The following PDGFC variants were observed in gnomAD, a reference collection of about 807,000 sequenced individuals.
PDGFC encodes platelet derived growth factor C, also known as platelet-derived growth factor C.
Under a neutral mutation model 35.5 loss-of-function variants are expected in PDGFC, and 12 were observed. That is an observed-to-expected ratio of 0.34 (90% CI 0.22 to 0.55). PDGFC has a LOEUF of 0.55. Among genes scored for constraint, PDGFC ranks in the 20% least tolerant of loss-of-function variants. The pLI is 0.91. For synonymous variants in PDGFC, 159 were observed against 148.8 expected (o/e 1.07, Z -0.50); for missense variants, 322 against 412.4 (o/e 0.78, Z 1.90).
chr4:156,824,311 T>C (rs1305116741), intron 2 of PDGFC, among the ~76,000 whole-genome samples: 4 of 45,860 alleles, frequency 8.7e-5, no homozygotes, highest in East Asian at 3.2e-4. Context: ...TATATATATA[T>C]ATATATATAT....
chr4:156,901,991 C>G (rs150805057), intron 1 of PDGFC, among the ~76,000 whole-genome samples: 2 of 152,264 alleles, frequency 1.3e-5, no homozygotes, highest in East Asian at 3.9e-4. Flanking sequence ...GGAAGTAGGA[C>G]AGAGAAATCT....
At chr4:156,801,672 T>A (rs1203127361) in intron 3 of PDGFC, among the ~76,000 whole-genome samples, 1 of 152,222 alleles carries the variant, frequency 6.6e-6, no homozygotes, top group Non-Finnish European at 1.5e-5. Flanking sequence ...ATAAAGTCAA[T>A]CTTTAATATG....
Position 156,971,493 on chromosome 4 carries a change from G to C in PDGFC, c.-590C>G, listed in dbSNP as rs1732593672. On this transcript the variant is annotated 5_prime_UTR_variant, in exon 1 of 6. Transcript: ENST00000502773. ...GTCCCACGGGCCGGGGCGCCGGAGC[G>C]GGGCCGGGGGGCTCCGGGCCGACGG... 1 of 212,380 alleles carries C rather than the reference G, an allele frequency of 4.7e-6. No individual in the cohort carries two copies. Among genetic ancestry groups the C allele is most frequent in the African/African-American group, 2.3e-5 (1 of 42,652 alleles). 13.2% of individuals were successfully genotyped at this position (212,380 alleles called of 1,614,324 possible). A position where few individuals can be genotyped will look rare whatever the true frequency, so the allele number is the denominator to read the frequency against.
At chr4:156,966,718 T>C (rs1732475131) in intron 1 of PDGFC, among the ~76,000 whole-genome samples, 2 of 152,150 alleles carry the variant, frequency 1.3e-5, no homozygotes, top group South Asian at 2.1e-4. Context: ...GTAGAAGAGA[T>C]GGCAGCACTG....
At position 156,822,356 on chromosome 4, in the gene PDGFC, CAA is replaced by C. The variant is rs397878245; in HGVS notation, c.315-11341_315-11340del. ...CCTGGGAGACGGAGTGAAACTGTCT[CAA>C]AAAAAAAAAAAAAAAAAAAGTGCAT... On this transcript the variant is annotated intron_variant, in intron 2 of 5. Coordinates refer to ENST00000502773, the MANE Select transcript of PDGFC (RefSeq NM_016205.3). 4.6e-3 allele frequency among the ~76,000 whole-genome samples: 323 copies of C among 70,270 alleles called. 1 individual carries two copies. The highest frequency in any genetic ancestry group is 0.013 in the African/African-American group (313 of 24,780). 46.1% of individuals were successfully genotyped at this position (70,270 alleles called of 152,430 possible). A position where few individuals can be genotyped will look rare whatever the true frequency, so the allele number is the denominator to read the frequency against.
intron 1 of PDGFC, among the ~76,000 whole-genome samples, chr4:156,965,152 T>A (rs909872499): frequency 1.3e-5 from 2 of 152,188 alleles, no homozygotes; most frequent in African/African-American, 2.4e-5. Flanking sequence ...GAACAAGCTA[T>A]CTTCCTATTT....
At chr4:156,815,938 G>A (rs948113129) in intron 2 of PDGFC, among the ~76,000 whole-genome samples, 1 of 152,150 alleles carries the variant, frequency 6.6e-6, no homozygotes, top group African/African-American at 2.4e-5. Flanking sequence ...CTGGGGACCT[G>A]TGGAGGATTT....
intron 1 of PDGFC, among the ~76,000 whole-genome samples, chr4:156,875,784 G>T (rs1162787971): frequency 2.6e-5 from 4 of 152,136 alleles, no homozygotes; most frequent in Admixed American, 6.5e-5. Context: ...CAGGTGTGGT[G>T]CTGCACGCCT....
At chr4:156,961,835 T>C (rs1400513041) in intron 1 of PDGFC, among the ~76,000 whole-genome samples, 5 of 152,150 alleles carry the variant, frequency 3.3e-5, no homozygotes, top group African/African-American at 1.2e-4. Context: ...GTTTTGTGAA[T>C]GAAGTGTGAA....
chr4:156,868,654 C>T (rs1412547089), intron 1 of PDGFC, among the ~76,000 whole-genome samples: 2 of 152,202 alleles, frequency 1.3e-5, no homozygotes, highest in Admixed American at 6.5e-5. Context: ...TATTATAAAA[C>T]TGTTATAACA....
At chr4:156,845,167 T>C (rs562857262) in intron 2 of PDGFC, among the ~76,000 whole-genome samples, 7 of 151,900 alleles carry the variant, frequency 4.6e-5, no homozygotes, top group South Asian at 4.1e-4. Flanking sequence ...AAGAGAACAA[T>C]AGATATTGTA....
At chr4:156,809,462 A>G (rs1162465077) in intron 3 of PDGFC, among the ~76,000 whole-genome samples, 1 of 151,984 alleles carries the variant, frequency 6.6e-6, no homozygotes, top group Admixed American at 6.6e-5. Flanking sequence ...TTTCACACAT[A>G]TACAGTGAAT....
intron 2 of PDGFC, among the ~76,000 whole-genome samples, chr4:156,830,434 T>C (rs1451392148): frequency 6.6e-6 from 1 of 152,128 alleles, no homozygotes; most frequent in African/African-American, 2.4e-5. Context: ...AGAGATCTGA[T>C]GAAACACAAC....
At chr4:156,912,913 G>A (rs1216170923) in intron 1 of PDGFC, among the ~76,000 whole-genome samples, 1 of 151,800 alleles carries the variant, frequency 6.6e-6, no homozygotes, top group East Asian at 1.9e-4. Flanking sequence ...CTTTTAAGAG[G>A]TATCTTTCCC....
At chr4:156,930,705 T>TA (rs1470152609) in intron 1 of PDGFC, among the ~76,000 whole-genome samples, 1 of 151,774 alleles carries the variant, frequency 6.6e-6, no homozygotes, top group Non-Finnish European at 1.5e-5. Flanking sequence ...CTGTCTCTAC[T>TA]AAAAAAACAA....
chr4:156,829,527 T>G (rs1473092826), intron 2 of PDGFC, among the ~76,000 whole-genome samples: 5 of 152,150 alleles, frequency 3.3e-5, no homozygotes, highest in Non-Finnish European at 5.9e-5. Flanking sequence ...ACTTTAAAAT[T>G]TTCCTCTTGC....
At chr4:156,965,864 A>G (rs185362315) in intron 1 of PDGFC, among the ~76,000 whole-genome samples, 1 of 152,142 alleles carries the variant, frequency 6.6e-6, no homozygotes, top group Admixed American at 6.5e-5. Context: ...TCCACAGCTA[A>G]AAGTGTCAAA....
At chr4:156,882,587 T>C (rs567870109) in intron 1 of PDGFC, among the ~76,000 whole-genome samples, 1 of 152,304 alleles carries the variant, frequency 6.6e-6, no homozygotes, top group African/African-American at 2.4e-5. Flanking sequence ...ATAACACTTG[T>C]AAAGTAATTA....
In PDGFC at chr4:156,781,528, G is replaced by A. The variant is rs547603194; in HGVS notation, c.496-8635C>T. The stretch of plus-strand genomic sequence containing the variant: ...TTATTCACAGTGGAACTCAATGGAA[G>A]GGCTTTGTACAGATTTCACAAGCCT... On this transcript the variant is annotated intron_variant, in intron 3 of 5. Coordinates refer to ENST00000502773, the MANE Select transcript of PDGFC (RefSeq NM_016205.3). Among the ~76,000 whole-genome samples the A allele has an allele frequency of 5.9e-5, 9 of 152,166 alleles. No homozygotes were observed. The East Asian group carries it at 1.5e-3, about 26-fold the overall frequency.
Sources: gnomAD v4.1 joint callset for allele counts (sites outside exome capture counted in the v4.1 genomes callset) on GRCh38, gnomAD v4.1.1 for gene constraint, MANE v1.5 for transcripts, NCBI Gene and HGNC (gene_info 2026-07-23, HGNC 2026-07-21) for gene names.